NEB: variants seen among roughly 807,000 people sequenced by gnomAD.
NEB encodes nebulin.
NEB carries 512 observed loss-of-function variants against 952.2 expected under a neutral mutation model. The observed-to-expected ratio is 0.54, with a 90% CI of 0.50 to 0.58. The LOEUF is 0.58. Among genes scored for constraint, NEB ranks in the 20% least tolerant of loss-of-function variants. NEB has a pLI of 0.00. For missense variants in NEB, 8,428 were observed against 9,231.1 expected (o/e 0.91, Z 3.56); for synonymous variants, 2,900 against 3,149.8 (o/e 0.92, Z 2.66).
At chr2:151,702,616 T>C (rs1355299878) in intron 13 of NEB, among the ~76,000 whole-genome samples, 1 of 151,946 alleles carries the variant, frequency 6.6e-6, no homozygotes, top group African/African-American at 2.4e-5. Context: ...TTTACCATTA[T>C]GTAATGGCCT....
intron 37 of NEB, 116 bp downstream of exon 37, chr2:151,672,253 G>T: frequency 9.6e-7 from 1 of 1,045,684 alleles, no homozygotes; most frequent in African/African-American, 1.6e-5. Flanking sequence ...AGTAATGGTT[G>T]TTTATTCTAA....
chr2:151,707,034 G>T (rs1289429309), intron 12 of NEB, 37 bp from the exon 13 acceptor site: 1 of 1,385,934 alleles, frequency 7.2e-7, no homozygotes, highest in Non-Finnish European at 9.9e-7. Flanking sequence ...GTAACTCTAT[G>T]GGTTATTTTT....
At chr2:151,651,141 T>G (rs1355973729) in intron 52 of NEB, among the ~76,000 whole-genome samples, 1 of 152,174 alleles carries the variant, frequency 6.6e-6, no homozygotes, top group East Asian at 1.9e-4. Context: ...AGAAGTGTTG[T>G]CTATGCTAAC....
At chr2:151,674,408 A>G (rs2099341308) in intron 36 of NEB, 69 bp downstream of exon 36, 2 of 1,203,388 alleles carry the variant, frequency 1.7e-6, no homozygotes, top group East Asian at 2.3e-5. Flanking sequence ...TAAGGTATCA[A>G]TTTAAACAAG....
chr2:151,563,240 C>T (rs1173932582), intron 119 of NEB, among the ~76,000 whole-genome samples: 1 of 152,080 alleles, frequency 6.6e-6, no homozygotes, highest in Non-Finnish European at 1.5e-5. Flanking sequence ...GTCTCGAACT[C>T]CTGACCTCTG....
chr2:151,498,386 G>GCAAT (rs763927695), intron 169 of NEB, 34 bp from the exon 170 acceptor site: 119 of 1,449,920 alleles, frequency 8.2e-5, no homozygotes, highest in Middle Eastern at 3.5e-4. Flanking sequence ...AACAAAAAAA[G>GCAAT]CAATCAATCA....
intron 65 of NEB, among the ~76,000 whole-genome samples, chr2:151,632,829 G>A (rs960839968): frequency 2.0e-5 from 3 of 152,134 alleles, no homozygotes; most frequent in Non-Finnish European, 4.4e-5. Context: ...CAGATGGTAA[G>A]CAATCTGTCA....
chr2:151,555,131 A>C (rs1005001661), intron 124 of NEB, 87 bp from the exon 125 acceptor site: 62 of 924,110 alleles, frequency 6.7e-5, no homozygotes, highest in South Asian at 1.9e-4. Flanking sequence ...AATGGGAAAA[A>C]CCCGACTCTG....
chr2:151,497,028 T>TAAC lies in NEB; in HGVS notation c.24303_24305dup (p.Leu8102dup), dbSNP rs1344099907. On this transcript the variant is annotated inframe_insertion, in exon 172 of 182. Coordinates refer to ENST00000397345, the MANE Select transcript of NEB (RefSeq NM_001164508.2). The stretch of plus-strand genomic sequence containing the variant: ...TTCCCTTGCCCATGTTTTCTTTGTA[T>TAAC]AACACCTGTGCGATAAGAAAGCAAC... 1.7e-5 allele frequency: 27 copies of TAAC among 1,568,438 alleles called. No individual in the cohort carries two copies. Among genetic ancestry groups the TAAC allele is most frequent in the Middle Eastern group, 1.7e-4 (1 of 6,026 alleles).
intron 46 of NEB, among the ~76,000 whole-genome samples, chr2:151,660,001 C>T (rs2099128949): frequency 6.6e-6 from 1 of 152,112 alleles, no homozygotes; most frequent in Non-Finnish European, 1.5e-5. Context: ...GGAGATGTGC[C>T]ACCAATATAC....
chr2:151,721,648 A>G (rs2099774486), intron 9 of NEB, among the ~76,000 whole-genome samples: 2 of 152,172 alleles, frequency 1.3e-5, no homozygotes, highest in African/African-American at 4.8e-5. Context: ...CAGCCTGATT[A>G]TAAATTCTAA....
Position 151,609,868 on chromosome 2 carries a change from A to G in NEB, c.12271T>C (p.Cys4091Arg), listed in dbSNP as rs1195534121. The G allele has an allele frequency of 2.5e-6, 4 of 1,611,846 alleles. No homozygotes were observed. Among genetic ancestry groups the G allele is most frequent in the Non-Finnish European group, 8.5e-7 (1 of 1,178,240 alleles). ...DYRNYLHEWT[C>R]MPDQNDIIQA... ...ATAATGTCGTTTTGATCCGGCATGC[A>G]TGTCCATTCATGCAGGTAATTGCGA... Residue 4091 changes from cysteine to arginine, a missense_variant, in exon 81 of 182, where the codon TGC (cysteine) becomes CGC (arginine). Cys to Arg is a radical substitution (Grantham distance 180, BLOSUM62 -3). Transcript: ENST00000397345.
intron 148 of NEB, among the ~76,000 whole-genome samples, 159 bp downstream of exon 148, chr2:151,526,759 C>T (rs575701990): frequency 2.4e-4 from 37 of 152,304 alleles, no homozygotes; most frequent in South Asian, 1.2e-3. Context: ...CCCTGCTTGA[C>T]TGCTGGCGCC....
intron 62 of NEB, 91 bp from the exon 63 acceptor site, chr2:151,639,475 A>C (rs536975021): frequency 3.8e-4 from 360 of 958,400 alleles, no homozygotes; most frequent in Middle Eastern, 1.0e-3. Context: ...ATAAAAAAAA[A>C]GAAAAGGTTA....
intron 54 of NEB, among the ~76,000 whole-genome samples, chr2:151,649,388 G>A (rs1235497927): frequency 4.6e-5 from 7 of 152,026 alleles, no homozygotes; most frequent in African/African-American, 1.4e-4. Flanking sequence ...TATGTAAAGT[G>A]TATAGCATAT....
intron 114 of NEB, among the ~76,000 whole-genome samples, chr2:151,566,721 C>A (rs193295412): frequency 1.4e-4 from 22 of 152,268 alleles, no homozygotes; most frequent in African/African-American, 2.9e-4. Context: ...TTTTGCTTTG[C>A]GAACAACTTC....
rs2060664856 is a variant in NEB, at chr2:151,497,014, A to G, written c.24320T>C (p.Met8107Thr). ...NISSVLYKEN[M>T]GKGTPLPVTP... ...GACAGGTAGAGGGGTTCCCTTGCCC[A>G]TGTTTTCTTTGTATAACACCTGTGC... Residue 8107 changes from methionine (M) to threonine (T), a missense_variant, in exon 172 of 182, where the codon ATG (methionine) becomes ACG (threonine). Physicochemically the swap from Met to Thr is moderately conservative, Grantham distance 81. Coordinates refer to ENST00000397345, the MANE Select transcript of NEB (RefSeq NM_001164508.2). The G allele has an allele frequency of 2.5e-6, 4 of 1,572,472 alleles. No individual in the cohort carries two copies. The highest frequency in any genetic ancestry group is 3.5e-6 in the Non-Finnish European group (4 of 1,156,824).
chr2:151,560,762 C>G, intron 123 of NEB, 63 bp from the exon 124 acceptor site: 1 of 1,289,404 alleles, frequency 7.8e-7, no homozygotes, highest in Non-Finnish European at 1.1e-6. Flanking sequence ...TTCTGAGTAG[C>G]AGGTTTTCCT....
chr2:151,656,075 C>T (rs1484783820), intron 49 of NEB, 52 bp from the exon 50 acceptor site: 4 of 1,593,434 alleles, frequency 2.5e-6, no homozygotes, highest in Non-Finnish European at 3.4e-6. Flanking sequence ...TAGACACAAA[C>T]CATGGCATGT....
Sources: gnomAD v4.1 joint callset for allele counts (sites outside exome capture counted in the v4.1 genomes callset) on GRCh38, gnomAD v4.1.1 for gene constraint, MANE v1.5 for transcripts, NCBI Gene and HGNC (gene_info 2026-07-23, HGNC 2026-07-21) for gene names.